ODC1: variants seen among roughly 807,000 people sequenced by gnomAD.
ODC1 encodes ornithine decarboxylase 1.
Under a neutral mutation model 41.5 loss-of-function variants are expected in ODC1, and 18 were observed. The ratio of observed to expected loss-of-function variants is 0.43; its 90% CI spans 0.30 to 0.64. The LOEUF (loss-of-function observed/expected upper bound fraction) is 0.64. ODC1 is among the 30% of genes least tolerant of loss of function. The probability of loss-of-function intolerance (pLI) is 0.11; values close to 1 mark genes in which losing one functional copy is unlikely to be tolerated. For missense variants in ODC1, 504 were observed against 589.0 expected (o/e 0.86, Z 1.49); for synonymous variants, 218 against 211.6 (o/e 1.03, Z -0.26).
rs1471594485 is a variant in ODC1 at position 10,442,002 on chromosome 2, T to C, written c.913+10A>G. ...AGTTATACATGAAGTGATTCGTCCT[T>C]TATACATACCATCAGAGCCCGTCTG... On this transcript the variant is annotated intron_variant, in intron 9 of 11. Coordinates refer to ENST00000234111, the MANE Select transcript of ODC1 (RefSeq NM_002539.3). 6.2e-7 allele frequency: 1 copy of C among 1,613,540 alleles called. No individual in the cohort carries two copies. The highest frequency in any genetic ancestry group is 1.7e-5 in the Admixed American group (1 of 59,980).
At chr2:10,446,773 G>A (rs899436017) in intron 1 of ODC1, 34 of 448,044 alleles carry the variant, frequency 7.6e-5, no homozygotes, top group Admixed American at 7.3e-4. Context: ...GCAATGGTTC[G>A]GGGACACAGT....
chr2:10,444,596 G>A lies in ODC1; in HGVS notation c.154C>T (p.His52Tyr). Residue 52 changes from histidine (H) to tyrosine (Y), a missense_variant, in exon 4 of 12, where the codon CAT (histidine) becomes TAT (tyrosine). His to Tyr is a moderately conservative substitution (Grantham distance 83). Around this residue, in one of 3 missense-constraint regions of ODC1, gnomAD observed 4 missense variants for 18.3 expected, o/e 0.22. Transcript: ENST00000234111. The stretch of plus-strand genomic sequence containing the variant: ...GGGAGAGCTTTTAACCACCTCAGAT[G>A]TTTCTTTAGAATGTCTCCCAGGTCT... ...VADLGDILKK[H>Y]LRWLKALPRV... 3 of 1,614,050 alleles carry A rather than the reference G, an allele frequency of 1.9e-6. No individual in the cohort carries two copies. The highest frequency in any genetic ancestry group is 2.5e-6 in the Non-Finnish European group (3 of 1,179,990).
intron 11 of ODC1, 60 bp downstream of exon 11, chr2:10,441,449 G>A (rs920580999): frequency 6.0e-6 from 9 of 1,506,908 alleles, no homozygotes; most frequent in African/African-American, 5.5e-5. Flanking sequence ...TAGACAAGAA[G>A]CACACATCCA....
chr2:10,441,434 T>G, intron 11 of ODC1, 75 bp downstream of exon 11: 2 of 1,425,416 alleles, frequency 1.4e-6, no homozygotes, highest in East Asian at 4.9e-5. Context: ...AATTTCTTAT[T>G]CGTCTAGACA....
At chr2:10,444,737 T>C (rs1029574810) in intron 3 of ODC1, 90 bp from the exon 4 acceptor site, 2 of 1,176,308 alleles carry the variant, frequency 1.7e-6, no homozygotes, top group Non-Finnish European at 2.4e-6. Context: ...TCAGTCACAA[T>C]GAATCCTGCT....
chr2:10,447,856 C>T (rs1224364728), intron 1 of ODC1: 1 of 152,258 alleles, frequency 6.6e-6, no homozygotes, highest in Non-Finnish European at 1.5e-5. Flanking sequence ...GCCGCAGGGT[C>T]TCCGGGTGGG....
intron 1 of ODC1, 70 bp downstream of exon 1, chr2:10,448,051 C>G (rs1672094511): frequency 6.4e-6 from 1 of 156,898 alleles, no homozygotes; most frequent in Non-Finnish European, 1.4e-5. Flanking sequence ...GCCCGGGGCC[C>G]GGGGCCCGCA....
intron 5 of ODC1, 38 bp from the exon 6 acceptor site, chr2:10,443,874 G>A (rs1325757138): frequency 1.2e-6 from 2 of 1,608,794 alleles, no homozygotes; most frequent in East Asian, 2.2e-5. Flanking sequence ...TCTCATGATA[G>A]ATGTTCACTT....
In ODC1 at chr2:10,444,458, T is replaced by G; in HGVS notation, c.276+16A>C. 2 of 1,595,864 alleles carry G rather than the reference T, an allele frequency of 1.3e-6. No homozygotes were observed. Among genetic ancestry groups the G allele is most frequent in the Non-Finnish European group, 1.7e-6 (2 of 1,171,766 alleles). On this transcript the variant is annotated intron_variant, in intron 4 of 11. Coordinates refer to ENST00000234111, the MANE Select transcript of ODC1 (RefSeq NM_002539.3). ...CATTTTATACAACGCTTTTGAGGCC[T>G]GCTGCTATCGCTTACCTTGCTAGCA...
chr2:10,448,305 C>CGGA lies in ODC1; in HGVS notation c.-313_-312insTCC. The CGGA allele has an allele frequency of 3.9e-6, 1 of 253,560 alleles. No individual in the cohort carries two copies. The highest frequency in any genetic ancestry group is 7.5e-6 in the Non-Finnish European group (1 of 133,576). 15.7% of individuals were successfully genotyped at this position (253,560 alleles called of 1,614,324 possible). On this transcript the variant is annotated 5_prime_UTR_variant, in exon 1 of 12. Coordinates refer to ENST00000234111, the MANE Select transcript of ODC1 (RefSeq NM_002539.3). ...GCAGAGGGGCGGCGGGCGGCGGCGG[C>CGGA]GGCGGCTACAGGAGGGACTGACAAA...
chr2:10,444,540 A>G lies in ODC1; in HGVS notation c.210T>C (p.Cys70=), dbSNP rs774274496. 2.2e-5 allele frequency: 36 copies of G among 1,613,924 alleles called. No individual in the cohort carries two copies. Among genetic ancestry groups the G allele is most frequent in the Non-Finnish European group, 3.1e-5 (36 of 1,179,990 alleles). The part of the protein sequence containing the change: ...PRVTPFYAVK[C]NDSKAIVKTL... ...TCTTCACGATGGCTTTGCTATCATT[A>G]CATTTGACTGCATAAAAGGGGGTGA... The change falls in exon 4 of 12, where the codon TGT becomes TGC. Residue 70 remains cysteine (C), a synonymous_variant. Coordinates refer to ENST00000234111, the MANE Select transcript of ODC1 (RefSeq NM_002539.3).
intron 3 of ODC1, 66 bp from the exon 4 acceptor site, chr2:10,444,713 G>C: frequency 7.1e-7 from 1 of 1,407,344 alleles, no homozygotes; most frequent in Non-Finnish European, 9.8e-7. Context: ...AATAGCCAGC[G>C]ACCTTCATTC....
Position 10,444,661 on chromosome 2 carries a change from G to A in ODC1, c.103-14C>T. On this transcript the variant is annotated splice_polypyrimidine_tract_variant and intron_variant, in intron 3 of 11. Coordinates refer to ENST00000234111, the MANE Select transcript of ODC1 (RefSeq NM_002539.3). ...ATCCTTATCATCCTGAAACAAGAGTGGTCACAGGTGACTCACTAGCAGCCT... is the reference window on the plus strand; with the variant it reads ...ATCCTTATCATCCTGAAACAAGAGTAGTCACAGGTGACTCACTAGCAGCCT... 1 of 1,605,054 alleles carries A rather than the reference G, an allele frequency of 6.2e-7. No homozygotes were observed. Among genetic ancestry groups the A allele is most frequent in the East Asian group, 2.2e-5 (1 of 44,848 alleles).
Position 10,440,808 on chromosome 2 carries a change from G to A in ODC1, c.1302C>T (p.Ala434=). Residue 434 remains alanine, a synonymous_variant, in exon 12 of 12, where the codon GCC becomes GCT. Transcript: ENST00000234111. ...AGGCACAAGACACAGGCAGGGTGCT[G>A]GCATCCTGTTCCTCTACTTCGGGTG... ...DFPPEVEEQD[A]STLPVSCAWE... 1 of 1,614,024 alleles carries A rather than the reference G, an allele frequency of 6.2e-7. No individual in the cohort carries two copies. The highest frequency in any genetic ancestry group is 1.7e-5 in the Admixed American group (1 of 60,018).
chr2:10,445,104 A>C (rs2148070986), intron 2 of ODC1, 51 bp downstream of exon 2: 1 of 907,740 alleles, frequency 1.1e-6, no homozygotes, highest in East Asian at 2.4e-5. Context: ...AAGCCTTAGC[A>C]ATACAATTCT....
At position 10,441,902 on chromosome 2, in the gene ODC1, A is replaced by T. The variant is rs1671834560; in HGVS notation, c.941T>A (p.Phe314Tyr). 2.5e-6 allele frequency: 4 copies of T among 1,614,104 alleles called. No individual in the cohort carries two copies. Among genetic ancestry groups the T allele is most frequent in the Non-Finnish European group, 2.5e-6 (3 of 1,180,002 alleles). Residue 314 changes from phenylalanine (F) to tyrosine (Y), a missense_variant, in exon 10 of 12, where the codon TTT (phenylalanine) becomes TAT (tyrosine). Phe to Tyr is a conservative substitution (Grantham distance 22). Coordinates refer to ENST00000234111, the MANE Select transcript of ODC1 (RefSeq NM_002539.3). ...GACGCCATCATTCACATAATACATA[A>T]AGGTCTGCTCACTCGACTCATCTTC... Reference protein sequence around the residue: ...DDEDESSEQTFMYYVNDGVYG... With the variant: ...DDEDESSEQTYMYYVNDGVYG...
At position 10,442,038 on chromosome 2, in the gene ODC1, A is replaced by T. The variant is rs759387210; in HGVS notation, c.887T>A (p.Val296Glu). 4.3e-6 allele frequency: 7 copies of T among 1,613,914 alleles called. No homozygotes were observed. In the East Asian group the frequency reaches 1.6e-4, roughly 36 times the overall value. ...ATCAGAGCCCGTCTGTTCCTTTAAT[A>T]CAATTTTCTTGGCAATGATATTAAC... ...LAVNIIAKKI[V>E]LKEQTGSDDE... Residue 296 changes from valine (V) to glutamate (E), a missense_variant, in exon 9 of 12, where the codon GTA becomes GAA. Physicochemically the swap from Val to Glu is moderately radical, Grantham distance 121. This residue lies in a region of ODC1 where 447 missense variants were observed against 524.4 expected (regional missense o/e 0.85). Coordinates refer to ENST00000234111, the MANE Select transcript of ODC1 (RefSeq NM_002539.3).
Position 10,444,918 on chromosome 2 carries a change from C to T in ODC1, c.102+13G>A. The T allele has an allele frequency of 6.3e-7, 1 of 1,582,130 alleles. No homozygotes were observed. The highest frequency in any genetic ancestry group is 8.7e-7 in the Non-Finnish European group (1 of 1,151,186). On this transcript the variant is annotated intron_variant, in intron 3 of 11. Transcript: ENST00000234111. ...TCTCAGCTGCACTGCCAGCATGGGC[C>T]TCATATACTTACAGAAGAAGAAACT... is the stretch of plus-strand genomic sequence containing the variant.
In ODC1 at chr2:10,444,252, C is replaced by A. The variant is rs1289012179; in HGVS notation, c.292G>T (p.Val98Leu). 4.4e-6 allele frequency: 7 copies of A among 1,587,712 alleles called. No individual in the cohort carries two copies. The Admixed American group carries it at 9.4e-5, about 21-fold the overall frequency. Reference sequence around the variant, plus strand: ...TCTGGAGGCACCCCCAGACTCTGCACCAACTGTATTTCAGTCTGAAAAAGA... The same window carrying A: ...TCTGGAGGCACCCCCAGACTCTGCAACAACTGTATTTCAGTCTGAAAAAGA... Reference protein sequence around the residue: ...DCASKTEIQLVQSLGVPPERI... With the variant: ...DCASKTEIQLLQSLGVPPERI... Residue 98 changes from valine (V) to leucine (L), a missense_variant, in exon 5 of 12, where the codon GTG (valine) becomes TTG (leucine). Val to Leu is a conservative substitution (Grantham distance 32, BLOSUM62 1). Coordinates refer to ENST00000234111, the MANE Select transcript of ODC1 (RefSeq NM_002539.3).
Sources: allele counts gnomAD v4.1 joint callset, GRCh38; gene constraint gnomAD v4.1.1; regional missense constraint gnomAD v4.1.1; transcripts MANE v1.5; gene names NCBI Gene and HGNC (gene_info 2026-07-23, HGNC 2026-07-21).